PCDHGA1: variants seen among roughly 807,000 people sequenced by gnomAD.
PCDHGA1 encodes the protein protocadherin gamma-A1.
A neutral mutation model predicts 58.0 loss-of-function variants in PCDHGA1; 32 were observed. The observed-to-expected ratio is 0.55, with a 90% CI of 0.42 to 0.74. The LOEUF (loss-of-function observed/expected upper bound fraction) is 0.74. Ranked by LOEUF, PCDHGA1 falls within the 30% of genes least tolerant of loss-of-function variation. The pLI is 0.00. For missense variants in PCDHGA1, 1,205 were observed against 1,182.3 expected, an observed-to-expected ratio of 1.02 and a Z score of -0.28; for synonymous variants, 498 against 501.1, an observed-to-expected ratio of 0.99 and a Z score of 0.08.
chr5:141,382,838 A>G, intron 1 of PCDHGA1: 2 of 1,445,878 alleles, frequency 1.4e-6, no homozygotes, highest in Non-Finnish European at 1.9e-6. Context: ...GTCCACCCGG[A>G]TACACCCGCA....
At chr5:141,339,204 A>G in intron 1 of PCDHGA1, 1 of 1,614,046 alleles carries the variant, frequency 6.2e-7, no homozygotes, top group Non-Finnish European at 8.5e-7. Context: ...TTTGCTCTGA[A>G]CCCGCGAAGC....
chr5:141,500,574 G>A (rs2099801457), intron 2 of PCDHGA1, among the ~76,000 whole-genome samples: 1 of 152,164 alleles, frequency 6.6e-6, no homozygotes, highest in African/African-American at 2.4e-5. Context: ...ACACTTTCAT[G>A]TGACACTTTA....
intron 1 of PCDHGA1, chr5:141,375,594 A>T: frequency 6.2e-7 from 1 of 1,613,890 alleles, no homozygotes; most frequent in Non-Finnish European, 8.5e-7. Flanking sequence ...CTGTCCTCCT[A>T]CGTGTCCATC....
At position 141,418,260 on chromosome 5, in the gene PCDHGA1, G is replaced by C. The variant is rs144490159; in HGVS notation, c.2422-76547G>C. On this transcript the variant is annotated intron_variant, in intron 1 of 3. Transcript: ENST00000517417. Reference sequence around the variant, plus strand: ...GTTAATGACCACGCCCCTCAATTCCGGAAAGATGAAATAAACTTAGAAATC... The same window carrying C: ...GTTAATGACCACGCCCCTCAATTCCCGAAAGATGAAATAAACTTAGAAATC... 2.5e-6 allele frequency: 4 copies of C among 1,613,888 alleles called. No individual in the cohort carries two copies. Among genetic ancestry groups the C allele is most frequent in the South Asian group, 1.1e-5 (1 of 91,088 alleles).
intron 2 of PCDHGA1, among the ~76,000 whole-genome samples, chr5:141,500,844 T>C (rs190011905): frequency 6.6e-6 from 1 of 152,204 alleles, no homozygotes; most frequent in Non-Finnish European, 1.5e-5. Flanking sequence ...AATGGGCTTT[T>C]GCTACATTAG....
intron 1 of PCDHGA1, chr5:141,346,129 C>T: frequency 6.2e-7 from 1 of 1,613,938 alleles, no homozygotes; most frequent in Non-Finnish European, 8.5e-7. Flanking sequence ...GCGGTGGCCG[C>T]GGTCTCCTGC....
At chr5:141,394,748 C>T (rs960054108) in intron 1 of PCDHGA1, 1 of 1,613,414 alleles carries the variant, frequency 6.2e-7, no homozygotes, top group Non-Finnish European at 8.5e-7. Context: ...TCGTGGTGGC[C>T]GTCCAGGACC....
chr5:141,391,523 A>T (rs2092383458), intron 1 of PCDHGA1: 1 of 152,140 alleles, frequency 6.6e-6, no homozygotes, highest in Non-Finnish European at 1.5e-5. Context: ...CACTAATTTA[A>T]CTGGTATGGT....
intron 1 of PCDHGA1, chr5:141,420,184 A>G: frequency 5.0e-6 from 8 of 1,613,990 alleles, no homozygotes; most frequent in Non-Finnish European, 6.8e-6. Context: ...ATCATTGTCC[A>G]GCCACACAAG....
At chr5:141,357,089 G>A (rs762398968) in intron 1 of PCDHGA1, 9 of 1,613,760 alleles carry the variant, frequency 5.6e-6, no homozygotes, top group Middle Eastern at 1.6e-4. Context: ...CGCACCGCAC[G>A]GGCCCTGCTG....
Position 141,511,002 on chromosome 5 carries a change from C to A in PCDHGA1, c.2625C>A (p.Ser875Arg), listed in dbSNP as rs143630962. The change falls in exon 4 of 4, where the codon AGC becomes AGA. Residue 875 changes from serine to arginine, a missense_variant. Physicochemically the swap from Ser to Arg is moderately radical, Grantham distance 110. Transcript: ENST00000517417. Reference protein sequence around the residue: ...LGGGAGTMGLSARYGPQFTLQ... With the variant: ...LGGGAGTMGLRARYGPQFTLQ... ...GGGGTGCCGGCACCATGGGATTGAG[C>A]GCCCGCTACGGACCCCAGTTCACCC... The A allele has an allele frequency of 8.7e-6, 14 of 1,614,140 alleles. No homozygotes were observed. The highest frequency in any genetic ancestry group is 1.2e-5 in the Non-Finnish European group (14 of 1,180,018).
chr5:141,383,537 C>G, intron 1 of PCDHGA1: 2 of 1,612,570 alleles, frequency 1.2e-6, no homozygotes, highest in Non-Finnish European at 1.7e-6. Context: ...CTGGTCCTCA[C>G]AGCCTCTGAT....
chr5:141,337,332 G>A (rs918017566), intron 1 of PCDHGA1, among the ~76,000 whole-genome samples: 2 of 152,164 alleles, frequency 1.3e-5, no homozygotes, highest in South Asian at 2.1e-4. Flanking sequence ...TATGTTTATG[G>A]CATCATTAGT....
At chr5:141,361,253 A>G (rs772309054) in intron 1 of PCDHGA1, 1 of 1,613,952 alleles carries the variant, frequency 6.2e-7, no homozygotes, top group South Asian at 1.1e-5. Context: ...AAAACGAGAG[A>G]CAGAGACTCT....
chr5:141,331,030 C>G lies in PCDHGA1; in HGVS notation c.346C>G (p.Leu116Val), dbSNP rs750663625. ...TATCCTTGTTGAGGATAAAATGAAG[C>G]TTTTTCCTGTTGAAGTAGAAATAAT... is the stretch of plus-strand genomic sequence containing the variant. ...FNILVEDKMK[L>V]FPVEVEIIDI... Residue 116 changes from leucine to valine, a missense_variant, in exon 1 of 4, where the codon CTT becomes GTT. Physicochemically the swap from Leu to Val is conservative, Grantham distance 32 (BLOSUM62 1). Transcript: ENST00000517417. 1 of 1,613,266 alleles carries G rather than the reference C, an allele frequency of 6.2e-7. No homozygotes were observed. The highest frequency in any genetic ancestry group is 8.5e-7 in the Non-Finnish European group (1 of 1,179,610).
intron 1 of PCDHGA1, among the ~76,000 whole-genome samples, chr5:141,463,706 A>T (rs568865377): frequency 2.9e-3 from 440 of 152,024 alleles, no homozygotes; most frequent in Non-Finnish European, 4.6e-3. Context: ...TCGGCCTCCA[A>T]AAGTGCTGGG....
At chr5:141,362,751 C>T (rs1293273265) in intron 1 of PCDHGA1, 5 of 673,946 alleles carry the variant, frequency 7.4e-6, no homozygotes, top group African/African-American at 1.8e-5. Context: ...TGATTGCAAA[C>T]CTTTATCACA....
At chr5:141,346,397 C>T (rs1757748089) in intron 1 of PCDHGA1, 1 of 1,614,212 alleles carries the variant, frequency 6.2e-7, no homozygotes, top group Non-Finnish European at 8.5e-7. Flanking sequence ...GTGAGAAAAG[C>T]GAGCCTCTTC....
intron 3 of PCDHGA1, among the ~76,000 whole-genome samples, chr5:141,508,772 C>T (rs1015277795): frequency 5.3e-5 from 8 of 152,070 alleles, no homozygotes; most frequent in African/African-American, 1.2e-4. Flanking sequence ...TGAGGTCCCC[C>T]CTCTAGCCCC....
Sources: allele counts gnomAD v4.1 joint callset (sites outside exome capture counted in the v4.1 genomes callset), GRCh38; gene constraint gnomAD v4.1.1; transcripts MANE v1.5; gene names NCBI Gene and HGNC (gene_info 2026-07-23, HGNC 2026-07-21).